ESYT2: variants seen among roughly 807,000 people sequenced by gnomAD.
ESYT2 encodes extended synaptotagmin-2.
A neutral mutation model predicts 107.2 loss-of-function variants in ESYT2; 54 were observed. That is an observed-to-expected ratio of 0.50 (90% CI 0.40 to 0.63). ESYT2 has a LOEUF of 0.63. Ranked by LOEUF, ESYT2 falls within the 30% of genes least tolerant of loss-of-function variation. The probability of loss-of-function intolerance (pLI) is 0.00; values close to 1 mark genes in which losing one functional copy is unlikely to be tolerated. For missense variants in ESYT2, 1,020 were observed against 1,094.5 expected, an observed-to-expected ratio of 0.93 and a Z score of 0.96; for synonymous variants, 491 against 434.1, an observed-to-expected ratio of 1.13 and a Z score of -1.63.
intron 13 of ESYT2, 25 bp downstream of exon 13, chr7:158,759,461 C>A: frequency 6.3e-7 from 1 of 1,576,400 alleles, no homozygotes; most frequent in Non-Finnish European, 8.7e-7. Context: ...TACGCACCCA[C>A]AGGTGTTACC....
At chr7:158,740,197 G>C (rs1369604088) in intron 18 of ESYT2, among the ~76,000 whole-genome samples, 2 of 152,186 alleles carry the variant, frequency 1.3e-5, no homozygotes, top group Non-Finnish European at 2.9e-5. Context: ...AGAGAGGCTG[G>C]GCACTCTGCG....
chr7:158,736,703 T>A (rs1836965597), intron 20 of ESYT2, among the ~76,000 whole-genome samples: 1 of 152,240 alleles, frequency 6.6e-6, no homozygotes, highest in Non-Finnish European at 1.5e-5. Flanking sequence ...AAATTAAAAA[T>A]ATATGTATCC....
At chr7:158,809,338 T>C (rs1380861457) in intron 1 of ESYT2, among the ~76,000 whole-genome samples, 1 of 151,606 alleles carries the variant, frequency 6.6e-6, no homozygotes, top group Non-Finnish European at 1.5e-5. Flanking sequence ...TAGCTGGGCG[T>C]GGTGGCGTGC....
chr7:158,826,130 C>A (rs1840433837), intron 1 of ESYT2, among the ~76,000 whole-genome samples: 1 of 152,146 alleles, frequency 6.6e-6, no homozygotes, highest in South Asian at 2.1e-4. Context: ...CCCCCACCAC[C>A]CCTGCCGCGC....
intron 9 of ESYT2, among the ~76,000 whole-genome samples, chr7:158,763,444 G>A (rs1235503907): frequency 4.6e-5 from 7 of 152,046 alleles, no homozygotes; most frequent in South Asian, 4.1e-4. Context: ...ACAGGCATGT[G>A]CCACCATGCC....
At chr7:158,800,730 TTTTC>T (rs776692481) in intron 1 of ESYT2, among the ~76,000 whole-genome samples, 34 of 116,254 alleles carry the variant, frequency 2.9e-4, no homozygotes, top group Admixed American at 6.2e-4. Flanking sequence ...TTTTCTTTTC[TTTTC>T]TTTTTTTTTT....
intron 1 of ESYT2, among the ~76,000 whole-genome samples, chr7:158,801,202 C>T (rs1480571338): frequency 6.6e-6 from 1 of 152,182 alleles, no homozygotes; most frequent in Non-Finnish European, 1.5e-5. Context: ...ACAGAGAAAC[C>T]CTCTGCCCAA....
intron 6 of ESYT2, among the ~76,000 whole-genome samples, chr7:158,785,678 A>G (rs1161542872): frequency 6.6e-6 from 1 of 152,192 alleles, no homozygotes; most frequent in African/African-American, 2.4e-5. Context: ...AAGTTGTTCA[A>G]AGGCTACAGT....
At chr7:158,745,814 G>C (rs4256546) in intron 16 of ESYT2, among the ~76,000 whole-genome samples, 39,256 of 151,998 alleles carry the variant, frequency 0.26, 6,428 homozygotes, top group East Asian at 0.67. Flanking sequence ...AGACATCAAC[G>C]ACAAGTCAAA....
chr7:158,825,929 A>G (rs1840425863), intron 1 of ESYT2, among the ~76,000 whole-genome samples: 1 of 152,006 alleles, frequency 6.6e-6, no homozygotes, highest in South Asian at 2.1e-4. Flanking sequence ...TCACACCTGT[A>G]ATCCCCACAC....
chr7:158,755,612 G>T (rs1837727245), intron 13 of ESYT2, among the ~76,000 whole-genome samples: 1 of 152,124 alleles, frequency 6.6e-6, no homozygotes, highest in Admixed American at 6.6e-5. Context: ...AAAGTAACAG[G>T]ATATGCTGCT....
At position 158,759,500 on chromosome 7, in the gene ESYT2, C is replaced by T; in HGVS notation, c.1405G>A (p.Ala469Thr). Reference sequence around the variant, plus strand: ...GTGTTACCTACCGGAAGGTTCCTTGCTGAATCCAAGTACAAGATCAGCAAT... The same window carrying T: ...GTGTTACCTACCGGAAGGTTCCTTGTTGAATCCAAGTACAAGATCAGCAAT... ...SALLILYLDS[A>T]RNLPSNPLEF... Residue 469 changes from alanine to threonine, a missense_variant, in exon 13 of 23, where the codon GCA (alanine) becomes ACA (threonine). Physicochemically the swap from Ala to Thr is moderately conservative, Grantham distance 58. Transcript: ENST00000275418. 1 of 1,610,566 alleles carries T rather than the reference C, an allele frequency of 6.2e-7. No homozygotes were observed. Among genetic ancestry groups the T allele is most frequent in the Non-Finnish European group, 8.5e-7 (1 of 1,177,210 alleles).
intron 6 of ESYT2, among the ~76,000 whole-genome samples, chr7:158,774,658 G>A (rs1042383980): frequency 6.6e-6 from 1 of 152,188 alleles, no homozygotes; most frequent in African/African-American, 2.4e-5. Flanking sequence ...ATGAGGAAAC[G>A]AAGATTTAAA....
chr7:158,784,412 A>G (rs572034178), intron 6 of ESYT2, among the ~76,000 whole-genome samples: 138 of 152,316 alleles, frequency 9.1e-4, no homozygotes, highest in Admixed American at 1.6e-3. Flanking sequence ...ACCCAGCTGG[A>G]ATGGCTCACA....
At chr7:158,764,981 G>T in intron 8 of ESYT2, 128 bp from the exon 9 acceptor site, 1 of 865,982 alleles carries the variant, frequency 1.2e-6, no homozygotes, top group Non-Finnish European at 1.8e-6. Flanking sequence ...CTCTTCTGGT[G>T]CCGAGTACAT....
chr7:158,809,340 G>A (rs1300018420), intron 1 of ESYT2, among the ~76,000 whole-genome samples: 1 of 151,920 alleles, frequency 6.6e-6, no homozygotes, highest in Non-Finnish European at 1.5e-5. Context: ...GCTGGGCGTG[G>A]TGGCGTGCAT....
chr7:158,767,953 C>T (rs930637090), intron 7 of ESYT2, among the ~76,000 whole-genome samples, 179 bp from the exon 8 acceptor site: 7 of 152,144 alleles, frequency 4.6e-5, no homozygotes, highest in African/African-American at 1.7e-4. Flanking sequence ...AGCTGTGATA[C>T]CACTATGGTG....
chr7:158,782,077 G>C (rs529104843), intron 6 of ESYT2, among the ~76,000 whole-genome samples: 57 of 151,692 alleles, frequency 3.8e-4, no homozygotes, highest in Non-Finnish European at 5.7e-4. Flanking sequence ...TGTGGTGTAT[G>C]TAAGAACAAA....
At chr7:158,778,702 C>T (rs192396172) in intron 6 of ESYT2, among the ~76,000 whole-genome samples, 11 of 152,270 alleles carry the variant, frequency 7.2e-5, no homozygotes, top group East Asian at 1.9e-4. Context: ...CAGCCTTTTG[C>T]GGGATGCAAT....
Sources: gnomAD v4.1 joint callset for allele counts (sites outside exome capture counted in the v4.1 genomes callset) on GRCh38, gnomAD v4.1.1 for gene constraint, MANE v1.5 for transcripts, NCBI Gene and HGNC (gene_info 2026-07-23, HGNC 2026-07-21) for gene names.